Variants in HOMER1 observed in about 807,000 individuals in gnomAD.
HOMER1 encodes the protein homer protein homolog 1.
Under a neutral mutation model 48.9 loss-of-function variants are expected in HOMER1, and 3 were observed. That is an observed-to-expected ratio of 0.06 (90% CI 0.03 to 0.16). The LOEUF (loss-of-function observed/expected upper bound fraction) is 0.16. Among genes scored for constraint, HOMER1 ranks in the 10% least tolerant of loss-of-function variants. The pLI is 1.00. For synonymous variants in HOMER1, 134 were observed against 146.4 expected, an observed-to-expected ratio of 0.92 and a Z score of 0.61; for missense variants, 247 against 411.4, an observed-to-expected ratio of 0.60 and a Z score of 3.46.
intron 8 of HOMER1, among the ~76,000 whole-genome samples, chr5:79,396,317 A>AATG (rs1359223660): frequency 2.6e-5 from 4 of 151,900 alleles, no homozygotes; most frequent in Non-Finnish European, 5.9e-5. Flanking sequence ...TAATAATAAT[A>AATG]ATGTTCCCAA....
intron 1 of HOMER1, among the ~76,000 whole-genome samples, chr5:79,504,516 C>G (rs1014833408): frequency 6.6e-6 from 1 of 151,668 alleles, no homozygotes; most frequent in Non-Finnish European, 1.5e-5. Flanking sequence ...AATGTACAGA[C>G]TTATCTTCCA....
At chr5:79,490,323 T>G (rs1752232761) in intron 1 of HOMER1, among the ~76,000 whole-genome samples, 1 of 152,322 alleles carries the variant, frequency 6.6e-6, no homozygotes, top group African/African-American at 2.4e-5. Flanking sequence ...TAAACCCCAG[T>G]CTGAATAAAT....
chr5:79,504,233 A>G (rs1470115590), intron 1 of HOMER1, among the ~76,000 whole-genome samples: 1 of 152,120 alleles, frequency 6.6e-6, no homozygotes, highest in Non-Finnish European at 1.5e-5. Flanking sequence ...AGCTTAATGT[A>G]TACAGAACCC....
intron 4 of HOMER1, among the ~76,000 whole-genome samples, chr5:79,442,213 G>A (rs551772841): frequency 2.0e-5 from 3 of 152,120 alleles, no homozygotes; most frequent in Non-Finnish European, 2.9e-5. Flanking sequence ...ATTTTTGGAA[G>A]AACAAATCTG....
intron 8 of HOMER1, among the ~76,000 whole-genome samples, chr5:79,390,181 G>A (rs1476642217): frequency 6.6e-6 from 1 of 152,108 alleles, no homozygotes; most frequent in Admixed American, 6.6e-5. Context: ...AGCTCCTCGG[G>A]AGGCTGAGTA....
chr5:79,412,711 T>C (rs1749841780), intron 5 of HOMER1, among the ~76,000 whole-genome samples: 1 of 152,312 alleles, frequency 6.6e-6, no homozygotes, highest in South Asian at 2.1e-4. Context: ...CAGTGTCTCA[T>C]AACATAATAG....
At chr5:79,410,561 C>T (rs1373312889) in intron 5 of HOMER1, among the ~76,000 whole-genome samples, 1 of 151,282 alleles carries the variant, frequency 6.6e-6, no homozygotes, top group African/African-American at 2.4e-5. Context: ...TGTCAATCTT[C>T]CCTGTTCTCT....
intron 2 of HOMER1, among the ~76,000 whole-genome samples, chr5:79,455,703 C>T (rs1751156866): frequency 6.6e-6 from 1 of 152,180 alleles, no homozygotes; most frequent in Non-Finnish European, 1.5e-5. Context: ...TTAACCCCTT[C>T]TTCATTTAAT....
chr5:79,435,915 G>A (rs1181372400), intron 5 of HOMER1, among the ~76,000 whole-genome samples: 19 of 129,740 alleles, frequency 1.5e-4, no homozygotes, highest in South Asian at 2.5e-4. Context: ...TCATGAGGTC[G>A]GGAGATCGAG....
At chr5:79,441,785 T>C (rs1750744098) in intron 4 of HOMER1, among the ~76,000 whole-genome samples, 1 of 152,166 alleles carries the variant, frequency 6.6e-6, no homozygotes, top group Non-Finnish European at 1.5e-5. Flanking sequence ...TGAAACCCTC[T>C]TTCCCTCCAA....
At chr5:79,451,497 T>C (rs997467331) in intron 2 of HOMER1, among the ~76,000 whole-genome samples, 1 of 150,128 alleles carries the variant, frequency 6.7e-6, no homozygotes, top group Non-Finnish European at 1.5e-5. Context: ...TATTTAAAAG[T>C]AGGGTACCAC....
intron 5 of HOMER1, among the ~76,000 whole-genome samples, chr5:79,427,956 A>G (rs1438336460): frequency 6.6e-6 from 1 of 152,146 alleles, no homozygotes; most frequent in African/African-American, 2.4e-5. Flanking sequence ...CCTCTCTATA[A>G]GAGCTACCTC....
Position 79,456,843 on chromosome 5 carries a change from CA to C in HOMER1, c.162+18del. 1.2e-6 allele frequency: 2 copies of C among 1,600,634 alleles called. No homozygotes were observed. The highest frequency in any genetic ancestry group is 1.1e-5 in the South Asian group (1 of 89,158). On this transcript the variant is annotated intron_variant, in intron 2 of 8. Coordinates refer to ENST00000334082, the MANE Select transcript of HOMER1 (RefSeq NM_004272.5). The stretch of plus-strand genomic sequence containing the variant: ...AAAAAGCAAAACCAGCCAAATCATT[CA>C]AAGTAAACGTAGCTTACCTTTGAGC...
intron 5 of HOMER1, among the ~76,000 whole-genome samples, chr5:79,413,472 G>A (rs1749861820): frequency 6.6e-6 from 1 of 151,990 alleles, no homozygotes; most frequent in South Asian, 2.1e-4. Context: ...GAGTATAAAT[G>A]CAGATTTCTT....
intron 1 of HOMER1, among the ~76,000 whole-genome samples, chr5:79,489,566 T>TAAATAA (rs1427768840): frequency 2.6e-5 from 4 of 151,610 alleles, no homozygotes; most frequent in East Asian, 3.9e-4. Context: ...CAAAAATAAA[T>TAAATAA]AAATAAAAAT....
At chr5:79,510,219 T>C (rs969006360) in intron 1 of HOMER1, among the ~76,000 whole-genome samples, 2 of 151,208 alleles carry the variant, frequency 1.3e-5, no homozygotes, top group African/African-American at 4.9e-5. Context: ...CACCACAAAA[T>C]GCTCGCTCCT....
chr5:79,383,675 C>T (rs1749037760), intron 8 of HOMER1, among the ~76,000 whole-genome samples: 1 of 152,140 alleles, frequency 6.6e-6, no homozygotes, highest in Non-Finnish European at 1.5e-5. Flanking sequence ...TGAGCCACCT[C>T]GCCTGGCCTA....
chr5:79,439,477 A>G (rs191857492), intron 4 of HOMER1, among the ~76,000 whole-genome samples: 1 of 152,344 alleles, frequency 6.6e-6, no homozygotes, highest in East Asian at 1.9e-4. Context: ...TCAGAATAAA[A>G]GATATTCAAA....
At chr5:79,397,476 T>C in intron 7 of HOMER1, 51 bp downstream of exon 7, 1 of 1,067,948 alleles carries the variant, frequency 9.4e-7, no homozygotes, top group Non-Finnish European at 1.4e-6. Context: ...AATCTAATAC[T>C]TTGTACAAAC....
Sources: allele counts gnomAD v4.1 joint callset (sites outside exome capture counted in the v4.1 genomes callset), GRCh38; gene constraint gnomAD v4.1.1; transcripts MANE v1.5; gene names NCBI Gene and HGNC (gene_info 2026-07-23, HGNC 2026-07-21).